Variants in OLFM4 observed in about 807,000 individuals in gnomAD.
The protein encoded by OLFM4 is olfactomedin 4, also known as olfactomedin-4.
OLFM4 carries 22 observed loss-of-function variants against 25.5 expected under a neutral mutation model. The observed-to-expected ratio is 0.86, with a 90% CI of 0.62 to 1.23. The LOEUF (loss-of-function observed/expected upper bound fraction) is 1.23, where lower values mean the gene tolerates loss of function less well. OLFM4 is among the 50% of genes most tolerant of loss of function. The pLI is 0.00. For synonymous variants in OLFM4, 255 were observed against 237.7 expected (o/e 1.07, Z -0.67); for missense variants, 594 against 619.4 (o/e 0.96, Z 0.44).
intron 1 of OLFM4, among the ~76,000 whole-genome samples, chr13:53,033,239 T>C (rs1022040986): frequency 6.6e-5 from 10 of 152,148 alleles, no homozygotes; most frequent in African/African-American, 2.4e-4. Flanking sequence ...ATATCTTAAA[T>C]GAACATAAAA....
intron 1 of OLFM4, among the ~76,000 whole-genome samples, chr13:53,033,552 A>C (rs946920662): frequency 2.0e-5 from 3 of 152,224 alleles, no homozygotes; most frequent in Admixed American, 6.5e-5. Flanking sequence ...TGACATTTTC[A>C]GATCACCTAC....
rs138136897 is a variant in OLFM4 at position 53,035,978 on chromosome 13, A to T, written c.357+1478A>T. Among the ~76,000 whole-genome samples the T allele has an allele frequency of 5.6e-3, 858 of 152,338 alleles. 10 individuals carry two copies. Among genetic ancestry groups the T allele is most frequent in the African/African-American group, 0.02 (814 of 41,580 alleles). On this transcript the variant is annotated intron_variant, in intron 2 of 4. Coordinates refer to ENST00000219022, the MANE Select transcript of OLFM4 (RefSeq NM_006418.5). ...ATTATGCATTATTTAATACAACTCC[A>T]TTAATTTACAAGGAGCTCTGGCTTT... is the stretch of plus-strand genomic sequence containing the variant.
intron 4 of OLFM4, among the ~76,000 whole-genome samples, chr13:53,047,209 G>A (rs1412680007): frequency 1.3e-5 from 2 of 152,178 alleles, no homozygotes; most frequent in East Asian, 3.9e-4. Flanking sequence ...TATGAAGTAT[G>A]GAATGAAGTA....
At chr13:53,037,466 A>G (rs1954664952) in intron 2 of OLFM4, among the ~76,000 whole-genome samples, 1 of 152,224 alleles carries the variant, frequency 6.6e-6, no homozygotes, top group Non-Finnish European at 1.5e-5. Context: ...AGTGAAATAT[A>G]ATAAATTAAA....
intron 4 of OLFM4, among the ~76,000 whole-genome samples, chr13:53,045,164 G>C (rs1370566772): frequency 6.6e-6 from 1 of 152,170 alleles, no homozygotes; most frequent in East Asian, 1.9e-4. Context: ...ACGGTGGGGA[G>C]AAAATGCATT....
intron 4 of OLFM4, among the ~76,000 whole-genome samples, chr13:53,049,176 T>C (rs1223098702): frequency 1.3e-5 from 2 of 152,090 alleles, no homozygotes; most frequent in Admixed American, 6.6e-5. Flanking sequence ...CAATAGCATA[T>C]GGGTTATGAA....
In OLFM4 at chr13:53,043,224, A is replaced by C. The variant is rs1954697119; in HGVS notation, c.690A>C (p.Lys230Asn). The part of the protein sequence containing the change: ...KTKLKECEAS[K>N]DQNTPVVHPP... ...AGCTGAAAGAGTGTGAGGCCTCTAA[A>C]GATCAAAACACCCCTGTCGTCCACC... The change falls in exon 4 of 5, where the codon AAA becomes AAC. Residue 230 changes from lysine to asparagine, a missense_variant. Physicochemically the swap from Lys to Asn is moderately conservative, Grantham distance 94 (BLOSUM62 0). Transcript: ENST00000219022. 8.1e-6 allele frequency: 13 copies of C among 1,611,124 alleles called. No individual in the cohort carries two copies. The highest frequency in any genetic ancestry group is 1.1e-5 in the Non-Finnish European group (13 of 1,179,008).
Position 53,050,892 on chromosome 13 carries a change from T to C in OLFM4, c.*121T>C, listed in dbSNP as rs1051271275. On this transcript the variant is annotated 3_prime_UTR_variant, in exon 5 of 5. Transcript: ENST00000219022. The stretch of plus-strand genomic sequence containing the variant: ...CATTTTGCAGCAATGTTTAGGTGCA[T>C]AGTTCTACCACACTAGAGATCTAGG... 2 of 779,360 alleles carry C rather than the reference T, an allele frequency of 2.6e-6. No individual in the cohort carries two copies. The highest frequency in any genetic ancestry group is 2.9e-5 in the Admixed American group (1 of 34,920). 48.3% of individuals were successfully genotyped at this position (779,360 alleles called of 1,614,324 possible). A position where few individuals can be genotyped will look rare whatever the true frequency, so the allele number is the denominator to read the frequency against.
intron 2 of OLFM4, among the ~76,000 whole-genome samples, chr13:53,041,186 G>A (rs1243852838): frequency 6.6e-6 from 1 of 152,116 alleles, no homozygotes; most frequent in Non-Finnish European, 1.5e-5. Flanking sequence ...GTACATTGCA[G>A]TACTATTCAC....
In OLFM4 at chr13:53,050,542, T is replaced by C. The variant is rs777742482; in HGVS notation, c.1304T>C (p.Met435Thr). The C allele has an allele frequency of 3.1e-6, 5 of 1,614,016 alleles. No individual in the cohort carries two copies. The highest frequency in any genetic ancestry group is 3.4e-6 in the Non-Finnish European group (4 of 1,179,952). Residue 435 changes from methionine to threonine, a missense_variant, in exon 5 of 5, where the codon ATG becomes ACG. Physicochemically the swap from Met to Thr is moderately conservative, Grantham distance 81 (BLOSUM62 -1). Coordinates refer to ENST00000219022, the MANE Select transcript of OLFM4 (RefSeq NM_006418.5). Reference protein sequence around the residue: ...QYKPSASNAFMVCGVLYATRT... With the variant: ...QYKPSASNAFTVCGVLYATRT... ...AAACCATCTGCTTCTAACGCCTTCA[T>C]GGTATGTGGGGTTCTGTATGCCACC...
chr13:53,036,453 T>G (rs1474672384), intron 2 of OLFM4, among the ~76,000 whole-genome samples: 1 of 152,228 alleles, frequency 6.6e-6, no homozygotes, highest in African/African-American at 2.4e-5. Flanking sequence ...TGAAACCTTA[T>G]GTGCTCCAGG....
At position 53,050,673 on chromosome 13, in the gene OLFM4, C is replaced by T. The variant is rs746103518; in HGVS notation, c.1435C>T (p.Gln479Ter). The change falls in exon 5 of 5, where the codon CAG (glutamine) becomes TAG (stop). Residue 479 changes from glutamine to a stop codon, truncating the protein, a stop_gained. Transcript: ENST00000219022. LOFTEE classifies it high-confidence loss of function. ...IVMHKMQEKV[Q>*]SINYNPFDQK... Reference sequence around the variant, plus strand: ...AATGCATAAGATGCAGGAAAAAGTGCAGAGCATTAACTATAACCCTTTTGA... The same window carrying T: ...AATGCATAAGATGCAGGAAAAAGTGTAGAGCATTAACTATAACCCTTTTGA... 4 of 1,613,848 alleles carry T rather than the reference C, an allele frequency of 2.5e-6. No homozygotes were observed. In the East Asian group the frequency reaches 8.9e-5, roughly 36 times the overall value.
In OLFM4 at chr13:53,041,991, G is replaced by A. The variant is rs139005988; in HGVS notation, c.439G>A (p.Asp147Asn). Residue 147 changes from aspartate to asparagine, a missense_variant, in exon 3 of 5, where the codon GAT becomes AAT. Physicochemically the swap from Asp to Asn is conservative, Grantham distance 23 (BLOSUM62 1). Coordinates refer to ENST00000219022, the MANE Select transcript of OLFM4 (RefSeq NM_006418.5). ...LTVRIDIMEK[D>N]TISYTELDFE... ...TGTCCGAATTGACATCATGGAGAAG[G>A]ATACCATTTCTTACACTGAACTGGA... The A allele has an allele frequency of 2.5e-6, 4 of 1,613,968 alleles. No individual in the cohort carries two copies. The East Asian group carries it at 8.9e-5, about 36-fold the overall frequency.
intron 3 of OLFM4, 22 bp from the exon 4 acceptor site, chr13:53,043,083 C>A: frequency 6.4e-7 from 1 of 1,561,484 alleles, no homozygotes; most frequent in Non-Finnish European, 8.7e-7. Flanking sequence ...TATAAAGTCA[C>A]TCTGAATTTT....
chr13:53,050,276 G>C lies in OLFM4; in HGVS notation c.1038G>C (p.Gly346=), dbSNP rs1954739639. The C allele has an allele frequency of 6.2e-7, 1 of 1,614,040 alleles. No homozygotes were observed. The highest frequency in any genetic ancestry group is 1.7e-5 in the Admixed American group (1 of 60,000). Residue 346 remains glycine (G), a synonymous_variant, in exon 5 of 5, where the codon GGG becomes GGC. Transcript: ENST00000219022. ...TGTACGTCAACATGTACAACACCGG[G>C]AATATTGCCAGAGTTAACCTGACCA... ...NNMYVNMYNT[G]NIARVNLTTN... is the part of the protein sequence containing the mutation.
At chr13:53,045,227 A>G (rs1282731127) in intron 4 of OLFM4, among the ~76,000 whole-genome samples, 2 of 149,494 alleles carry the variant, frequency 1.3e-5, no homozygotes, top group Non-Finnish European at 3.0e-5. Flanking sequence ...TTTTTGTTGG[A>G]TTTTTTTTTT....
At chr13:53,040,006 A>T (rs1471654378) in intron 2 of OLFM4, among the ~76,000 whole-genome samples, 1 of 152,226 alleles carries the variant, frequency 6.6e-6, no homozygotes, top group Non-Finnish European at 1.5e-5. Context: ...AAAGGCCAAC[A>T]TCTGGCTCTA....
intron 1 of OLFM4, among the ~76,000 whole-genome samples, chr13:53,033,615 G>C (rs1954640319): frequency 6.6e-6 from 1 of 152,212 alleles, no homozygotes; most frequent in Non-Finnish European, 1.5e-5. Flanking sequence ...GGACAACCCT[G>C]TGAAGTAGGT....
At chr13:53,041,845 G>A (rs1954688302) in intron 2 of OLFM4, 65 bp from the exon 3 acceptor site, 5 of 1,109,894 alleles carry the variant, frequency 4.5e-6, no homozygotes, top group East Asian at 2.4e-5. Context: ...CAAGGGCTCG[G>A]TAGTGGAAGA....
Sources: allele counts gnomAD v4.1 joint callset (sites outside exome capture counted in the v4.1 genomes callset), GRCh38; gene constraint gnomAD v4.1.1; transcripts MANE v1.5; gene names NCBI Gene and HGNC (gene_info 2026-07-23, HGNC 2026-07-21).